ESR1: variants seen among roughly 807,000 people sequenced by gnomAD.
ESR1 encodes the protein estrogen receptor.
Under a neutral mutation model 52.7 loss-of-function variants are expected in ESR1, and 12 were observed. The ratio of observed to expected loss-of-function variants is 0.23; its 90% CI spans 0.15 to 0.37. The LOEUF (loss-of-function observed/expected upper bound fraction) is 0.37, where lower values mean the gene tolerates loss of function less well. Among genes scored for constraint, ESR1 ranks in the 10% least tolerant of loss-of-function variants. The pLI is 1.00. For missense variants in ESR1, 584 were observed against 779.7 expected (o/e 0.75, Z 2.99); for synonymous variants, 305 against 316.8 (o/e 0.96, Z 0.39).
chr6:151,838,316 G>C (rs1027853851), intron 1 of ESR1, among the ~76,000 whole-genome samples: 3 of 152,226 alleles, frequency 2.0e-5, no homozygotes, highest in African/African-American at 7.2e-5. Context: ...CAGGTGCAGT[G>C]GGCCAAGGCC....
chr6:152,063,448 G>A (rs557615088), intron 6 of ESR1, among the ~76,000 whole-genome samples: 2 of 152,270 alleles, frequency 1.3e-5, no homozygotes, highest in Admixed American at 6.5e-5. Flanking sequence ...AGTGAGCTGT[G>A]CCCCAGAAAA....
chr6:151,692,498 G>C (rs1562333332), intron 1 of ESR1, among the ~76,000 whole-genome samples: 1 of 152,112 alleles, frequency 6.6e-6, no homozygotes. Context: ...CCCAGCTCTG[G>C]GTAGACCATC....
intron 1 of ESR1, among the ~76,000 whole-genome samples, chr6:151,809,651 G>T (rs1330498768): frequency 6.6e-6 from 1 of 152,172 alleles, no homozygotes; most frequent in African/African-American, 2.4e-5. Context: ...GTGCAGTTTG[G>T]CCCCAGAGGA....
chr6:151,981,772 T>A (rs183733978), intron 4 of ESR1, among the ~76,000 whole-genome samples: 1 of 152,360 alleles, frequency 6.6e-6, no homozygotes, highest in Admixed American at 6.5e-5. Context: ...TGCAATCTTG[T>A]AATATAACTT....
intron 2 of ESR1, among the ~76,000 whole-genome samples, chr6:151,880,109 G>A (rs955978256): frequency 2.6e-5 from 4 of 151,774 alleles, no homozygotes; most frequent in African/African-American, 9.7e-5. Flanking sequence ...TGAACTGAAG[G>A]TGACTTGCCC....
At chr6:152,025,839 A>G (rs1459667675) in intron 5 of ESR1, among the ~76,000 whole-genome samples, 3 of 151,982 alleles carry the variant, frequency 2.0e-5, no homozygotes, top group African/African-American at 4.8e-5. Context: ...ATTTCATGAT[A>G]TAGGTAACTG....
chr6:151,955,187 T>C (rs1289829224), intron 4 of ESR1, among the ~76,000 whole-genome samples: 3 of 152,156 alleles, frequency 2.0e-5, no homozygotes, highest in African/African-American at 7.2e-5. Flanking sequence ...AATGGGTAAA[T>C]GGTTATTATT....
At chr6:152,110,180 C>A (rs192096246) in intron 6 of ESR1, among the ~76,000 whole-genome samples, 85 of 152,188 alleles carry the variant, frequency 5.6e-4, no homozygotes, top group African/African-American at 2.0e-3. Context: ...ATGAGTGGTA[C>A]TTCTTAGACC....
At chr6:151,934,415 C>T (rs185101662) in intron 3 of ESR1, among the ~76,000 whole-genome samples, 41 of 152,296 alleles carry the variant, frequency 2.7e-4, no homozygotes, top group Non-Finnish European at 1.5e-5. Context: ...GTGCCTGACT[C>T]TCAATAACTT....
chr6:152,046,248 G>C (rs1182955816), intron 5 of ESR1, among the ~76,000 whole-genome samples: 1 of 152,188 alleles, frequency 6.6e-6, no homozygotes, highest in Non-Finnish European at 1.5e-5. Context: ...ATTCCGGAAA[G>C]GTTAGGTGAT....
chr6:151,838,982 A>T (rs1416750000), intron 1 of ESR1, among the ~76,000 whole-genome samples: 1 of 152,218 alleles, frequency 6.6e-6, no homozygotes, highest in Non-Finnish European at 1.5e-5. Flanking sequence ...TAGTATTTAC[A>T]TATTCTATCT....
In ESR1 at chr6:151,716,989, T is replaced by G. The variant is rs113025631; in HGVS notation, c.-71+14984T>G. Reference sequence around the variant, plus strand: ...AGGCACCCAAGGGAGTCTCCTGGTCTGCACCCAAGGGAATCTCCTGGTCTG... The same window carrying G: ...AGGCACCCAAGGGAGTCTCCTGGTCGGCACCCAAGGGAATCTCCTGGTCTG... On this transcript the variant is annotated intron_variant, in intron 2 of 2. Coordinates refer to the ESR1 transcript ENST00000404742. 2.7e-3 allele frequency among the ~76,000 whole-genome samples: 409 copies of G among 152,290 alleles called. 2 individuals carry two copies. The highest frequency in any genetic ancestry group is 9.1e-3 in the African/African-American group (379 of 41,564).
chr6:151,941,837 A>G (rs2035105257), intron 3 of ESR1, among the ~76,000 whole-genome samples: 3 of 152,176 alleles, frequency 2.0e-5, no homozygotes, highest in Admixed American at 6.5e-5. Context: ...CCCTGCTTCT[A>G]TTTTAGCCTT....
At chr6:151,848,395 G>T (rs1460644730) in intron 2 of ESR1, among the ~76,000 whole-genome samples, 1 of 132,132 alleles carries the variant, frequency 7.6e-6, no homozygotes, top group East Asian at 2.2e-4. Context: ...GAGTTAGTGG[G>T]TGCAGCGCAC....
At chr6:151,953,497 C>T (rs1365167484) in intron 4 of ESR1, among the ~76,000 whole-genome samples, 4 of 152,002 alleles carry the variant, frequency 2.6e-5, no homozygotes, top group Middle Eastern at 3.4e-3. Context: ...CTGAGGTGGG[C>T]GGATCACGAG....
intron 2 of ESR1, among the ~76,000 whole-genome samples, chr6:151,727,278 T>C (rs374094856): frequency 6.6e-6 from 1 of 152,196 alleles, no homozygotes; most frequent in East Asian, 1.9e-4. Context: ...CTGAGTTCAC[T>C]GTAACCTTCA....
At chr6:151,819,503 T>G (rs1417510351) in intron 1 of ESR1, among the ~76,000 whole-genome samples, 1 of 152,166 alleles carries the variant, frequency 6.6e-6, no homozygotes, top group African/African-American at 2.4e-5. Context: ...GCGGTAGCAT[T>G]AGATTTTCAT....
intron 2 of ESR1, among the ~76,000 whole-genome samples, chr6:151,795,215 G>A (rs1776572473): frequency 6.6e-6 from 1 of 152,246 alleles, no homozygotes; most frequent in Admixed American, 6.5e-5. Context: ...AGCTGGGTGT[G>A]GTGGGTCATG....
chr6:151,956,999 C>G (rs531414850), intron 4 of ESR1, among the ~76,000 whole-genome samples: 192 of 150,582 alleles, frequency 1.3e-3, no homozygotes, highest in Admixed American at 3.1e-3. Context: ...GCCTCAGCCT[C>G]CCGAGTAGCT....
Sources: gnomAD v4.1 joint callset for allele counts (sites outside exome capture counted in the v4.1 genomes callset) on GRCh38, gnomAD v4.1.1 for gene constraint, MANE v1.5 for transcripts, NCBI Gene and HGNC (gene_info 2026-07-23, HGNC 2026-07-21) for gene names.